Variants in APP observed in about 807,000 individuals in gnomAD.
APP encodes amyloid beta precursor protein, also known as amyloid-beta precursor protein.
Under a neutral mutation model 101.4 loss-of-function variants are expected in APP, and 31 were observed. The ratio of observed to expected loss-of-function variants is 0.31; its 90% confidence interval spans 0.23 to 0.41. APP has a LOEUF of 0.41. APP is among the 10% of genes least tolerant of loss of function. The pLI, the probability that APP is intolerant of heterozygous loss-of-function variation, is 1.00. For synonymous variants in APP, 366 were observed against 364.4 expected (o/e 1.00, Z -0.05); for missense variants, 839 against 1,003.7 (o/e 0.84, Z 2.22).
intron 1 of APP, among the ~76,000 whole-genome samples, chr21:26,119,609 A>G (rs1024840565): frequency 6.6e-6 from 1 of 152,184 alleles, no homozygotes; most frequent in Non-Finnish European, 1.5e-5. Flanking sequence ...ACATATACCT[A>G]CCTATGTACA....
At chr21:26,003,122 T>C (rs1476601270) in intron 6 of APP, among the ~76,000 whole-genome samples, 2 of 152,270 alleles carry the variant, frequency 1.3e-5, no homozygotes, top group Non-Finnish European at 2.9e-5. Context: ...TTTTATTTTC[T>C]TCTGCCTCAT....
chr21:25,950,976 T>C (rs928472401), intron 13 of APP, among the ~76,000 whole-genome samples: 1 of 152,174 alleles, frequency 6.6e-6, no homozygotes, highest in Non-Finnish European at 1.5e-5. Flanking sequence ...TTATACACAT[T>C]GATTGCAGGT....
intron 9 of APP, among the ~76,000 whole-genome samples, chr21:25,980,675 AAAAC>A (rs775859764): frequency 0.23 from 34,056 of 151,274 alleles, 4,081 homozygotes; most frequent in South Asian, 0.36. Flanking sequence ...AAACAAACAA[AAAAC>A]AAAACAAACA....
chr21:25,991,385 T>A (rs182735888), intron 8 of APP, among the ~76,000 whole-genome samples: 2 of 152,184 alleles, frequency 1.3e-5, no homozygotes, highest in African/African-American at 4.8e-5. Flanking sequence ...CTACCTTTTT[T>A]TTCCCCCTTG....
Position 25,991,391 on chromosome 21 carries a change from C to T in APP, c.1090+5969G>A, listed in dbSNP as rs568537598. On this transcript the variant is annotated intron_variant, in intron 8 of 17. Coordinates refer to ENST00000346798, the MANE Select transcript of APP (RefSeq NM_000484.4). ...GCTTGCTGGCTACCTTTTTTTTCCC[C>T]CTTGAGATGAAGTCTCGCTCTTGTC... Among the ~76,000 whole-genome samples the T allele has an allele frequency of 4.6e-5, 7 of 151,934 alleles. No individual in the cohort carries two copies. The South Asian group carries it at 1.2e-3, about 27-fold the overall frequency.
intron 3 of APP, among the ~76,000 whole-genome samples, chr21:26,072,889 A>G (rs2061433065): frequency 6.6e-6 from 1 of 152,236 alleles, no homozygotes; most frequent in African/African-American, 2.4e-5. Context: ...AGAAAAATGG[A>G]ATAACAGACA....
chr21:25,979,413 T>C (rs1036878772), intron 9 of APP, among the ~76,000 whole-genome samples: 2 of 152,202 alleles, frequency 1.3e-5, no homozygotes, highest in South Asian at 2.1e-4. Context: ...GGCTGTTTCA[T>C]GCAGAGAAAA....
intron 9 of APP, among the ~76,000 whole-genome samples, chr21:25,981,228 G>A (rs2042419753): frequency 6.6e-6 from 1 of 152,214 alleles, no homozygotes; most frequent in South Asian, 2.1e-4. Flanking sequence ...GTCTACTAAA[G>A]ACTGACTGTG....
intron 1 of APP, among the ~76,000 whole-genome samples, chr21:26,139,879 AAAACAAACAAACAAACAAAC>A (rs10617724): frequency 1.5e-4 from 23 of 150,286 alleles, no homozygotes; most frequent in South Asian, 2.1e-4. Flanking sequence ...ACTCCGTCTC[AAAACAAACAAACAAACAAAC>A]AAACAAACAA....
At chr21:25,997,259 G>C (rs2043090498) in intron 8 of APP, 101 bp downstream of exon 8, 1 of 1,184,810 alleles carries the variant, frequency 8.4e-7, no homozygotes, top group African/African-American at 1.5e-5. Context: ...AGGTGTTCAA[G>C]AAACACAAAA....
At chr21:25,883,336 G>T (rs546322614) in intron 17 of APP, among the ~76,000 whole-genome samples, 91 of 152,102 alleles carry the variant, frequency 6.0e-4, no homozygotes, top group Non-Finnish European at 8.8e-4. Context: ...TTGGGGGGTG[G>T]AGTTTGCAGT....
At chr21:26,046,550 A>AC (rs1426578757) in intron 5 of APP, among the ~76,000 whole-genome samples, 1 of 149,646 alleles carries the variant, frequency 6.7e-6, no homozygotes, top group Admixed American at 6.6e-5. Context: ...AAAGAAATAG[A>AC]AAAAAAAAAT....
intron 7 of APP, among the ~76,000 whole-genome samples, chr21:25,999,752 G>T (rs947514115): frequency 1.3e-5 from 2 of 152,176 alleles, no homozygotes; most frequent in Admixed American, 6.5e-5. Flanking sequence ...GCACTCAAAA[G>T]TCCCTCTGGA....
chr21:26,163,587 G>T (rs1418581283), intron 1 of APP, among the ~76,000 whole-genome samples: 1 of 152,180 alleles, frequency 6.6e-6, no homozygotes. Flanking sequence ...ACTGTAATCA[G>T]GATGTTTATC....
intron 17 of APP, among the ~76,000 whole-genome samples, chr21:25,884,215 G>A (rs547741481): frequency 1.3e-5 from 2 of 152,240 alleles, no homozygotes; most frequent in Admixed American, 6.5e-5. Context: ...GGAAGAGACT[G>A]TGCGCCACTG....
chr21:25,962,178 A>AT (rs1427083611), intron 11 of APP, among the ~76,000 whole-genome samples: 1 of 152,160 alleles, frequency 6.6e-6, no homozygotes. Context: ...CTGATGTGAC[A>AT]TTTTTTAATT....
chr21:26,020,896 C>T (rs2044305424), intron 6 of APP, among the ~76,000 whole-genome samples: 2 of 152,164 alleles, frequency 1.3e-5, no homozygotes, highest in South Asian at 2.1e-4. Context: ...GCAACACAAA[C>T]ATTAATTCAA....
intron 1 of APP, chr21:26,140,375 C>CA: frequency 6.8e-7 from 1 of 1,473,638 alleles, no homozygotes. Flanking sequence ...CCACGCACAG[C>CA]AAGGCTGTGC....
intron 1 of APP, among the ~76,000 whole-genome samples, chr21:26,130,525 C>G (rs1425366437): frequency 6.6e-6 from 1 of 152,214 alleles, no homozygotes; most frequent in African/African-American, 2.4e-5. Flanking sequence ...CAACTAATGT[C>G]TTTGAATTTT....
Sources: allele counts gnomAD v4.1 joint callset (sites outside exome capture counted in the v4.1 genomes callset), GRCh38; gene constraint gnomAD v4.1.1; transcripts MANE v1.5; gene names NCBI Gene and HGNC (gene_info 2026-07-23, HGNC 2026-07-21).